DCBLD1: variants seen among roughly 807,000 people sequenced by gnomAD.
DCBLD1 encodes discoidin, CUB and LCCL domain-containing protein 1.
DCBLD1 carries 57 observed loss-of-function variants against 71.5 expected under a neutral mutation model. The observed-to-expected ratio is 0.80, with a 90% confidence interval of 0.64 to 0.99. The LOEUF (loss-of-function observed/expected upper bound fraction) is 0.99. DCBLD1 is among the 50% of genes least tolerant of loss of function. The pLI, the probability that DCBLD1 is intolerant of heterozygous loss-of-function variation, is 0.00. For synonymous variants in DCBLD1, 380 were observed against 363.8 expected (o/e 1.04, Z -0.51); for missense variants, 891 against 923.5 (o/e 0.96, Z 0.46).
At chr6:117,500,270 T>G (rs1214340628) in intron 1 of DCBLD1, among the ~76,000 whole-genome samples, 1 of 152,218 alleles carries the variant, frequency 6.6e-6, no homozygotes, top group Non-Finnish European at 1.5e-5. Flanking sequence ...ATAGTCTACT[T>G]CCATAGGTTA....
intron 3 of DCBLD1, 115 bp from the exon 4 acceptor site, chr6:117,521,410 T>C (rs1778379419): frequency 1.2e-6 from 1 of 838,208 alleles, no homozygotes; most frequent in African/African-American, 1.8e-5. Flanking sequence ...TTCTGATAAC[T>C]ACATAGTGAA....
intron 1 of DCBLD1, among the ~76,000 whole-genome samples, chr6:117,489,577 T>C (rs776470097): frequency 1.3e-5 from 2 of 152,154 alleles, no homozygotes; most frequent in African/African-American, 2.4e-5. Flanking sequence ...GAGCTGTGCT[T>C]GAGCTTTTTT....
intron 14 of DCBLD1, chr6:117,567,010 C>T: frequency 6.3e-7 from 1 of 1,594,044 alleles, no homozygotes; most frequent in Non-Finnish European, 8.5e-7. Context: ...GCCACATAAA[C>T]TACTTCAAAT....
rs912021433 is a variant in DCBLD1 at position 117,549,502 on chromosome 6, T to C, written c.*1063T>C. On this transcript the variant is annotated 3_prime_UTR_variant, in exon 15 of 15. Coordinates refer to ENST00000338728, the MANE Select transcript of DCBLD1 (RefSeq NM_001366458.2). Reference sequence around the variant, plus strand: ...GTACCTCATGCTCAGTAGTTTTTATTTGAGTTTCTTTTGTGAGTTAACTAT... The same window carrying C: ...GTACCTCATGCTCAGTAGTTTTTATCTGAGTTTCTTTTGTGAGTTAACTAT... 11 of 985,426 alleles carry C rather than the reference T, an allele frequency of 1.1e-5. No homozygotes were observed. In the Middle Eastern group the frequency reaches 1.6e-3, roughly 140 times the overall value. The allele number at this position is 985,426 out of a possible 1,614,324, so 61.0% of individuals were successfully genotyped here.
chr6:117,520,393 T>C (rs973547535), intron 3 of DCBLD1, among the ~76,000 whole-genome samples: 1 of 152,194 alleles, frequency 6.6e-6, no homozygotes, highest in African/African-American at 2.4e-5. Context: ...AGGATTCATC[T>C]CATTTTTCCT....
rs911584035 is a variant in DCBLD1, at chr6:117,530,067, G to C, written c.586-2193G>C. ...GCAGGGTTCCTAGTATGAAGACCGGGGATCCCAAGGACAGTGGGAATAGCT... is the reference window on the plus strand; with the variant it reads ...GCAGGGTTCCTAGTATGAAGACCGGCGATCCCAAGGACAGTGGGAATAGCT... On this transcript the variant is annotated intron_variant, in intron 5 of 14. Coordinates refer to ENST00000338728, the MANE Select transcript of DCBLD1 (RefSeq NM_001366458.2). Among the ~76,000 whole-genome samples the C allele has an allele frequency of 3.9e-5, 6 of 152,206 alleles. 1 individual carries two copies. In the South Asian group the frequency reaches 6.2e-4, roughly 16 times the overall value.
intron 1 of DCBLD1, chr6:117,485,090 G>A (rs1300415783): frequency 6.6e-6 from 1 of 152,146 alleles, no homozygotes; most frequent in Non-Finnish European, 1.5e-5. Context: ...TTCATAATAA[G>A]ACATTAAGTT....
intron 11 of DCBLD1, among the ~76,000 whole-genome samples, chr6:117,542,513 G>A (rs1260322119): frequency 1.3e-5 from 2 of 152,048 alleles, no homozygotes; most frequent in Non-Finnish European, 2.9e-5. Context: ...GCCTGCCTTG[G>A]TGGCTGTCAA....
chr6:117,566,872 C>G (rs1779707474), intron 14 of DCBLD1: 12 of 1,577,450 alleles, frequency 7.6e-6, no homozygotes, highest in Non-Finnish European at 1.0e-5. Flanking sequence ...ACTTTGATTT[C>G]CCCACTTGTG....
At chr6:117,569,554 T>C in intron 14 of DCBLD1, 1 of 1,611,086 alleles carries the variant, frequency 6.2e-7, no homozygotes. Context: ...CAGTTCTAAT[T>C]ACATGAAGGG....
intron 1 of DCBLD1, among the ~76,000 whole-genome samples, chr6:117,492,018 C>T (rs528336849): frequency 3.9e-4 from 60 of 152,300 alleles, no homozygotes; most frequent in African/African-American, 1.4e-3. Context: ...GTGATTATTG[C>T]TCCACTTTTA....
At chr6:117,522,045 T>A (rs1027484465) in intron 4 of DCBLD1, among the ~76,000 whole-genome samples, 3 of 152,208 alleles carry the variant, frequency 2.0e-5, no homozygotes, top group Admixed American at 2.0e-4. Flanking sequence ...CCTTTAAAAT[T>A]CTTTCATTTG....
downstream of DCBLD1, among the ~76,000 whole-genome samples, chr6:117,554,621 G>A (rs1412333569): frequency 6.6e-6 from 1 of 152,166 alleles, no homozygotes; most frequent in African/African-American, 2.4e-5. Context: ...TGGGCCAGGT[G>A]CAGTGGCTCA....
chr6:117,538,487 A>C (rs1032322261), intron 7 of DCBLD1, 133 bp from the exon 8 acceptor site: 31 of 783,832 alleles, frequency 4.0e-5, no homozygotes, highest in Non-Finnish European at 6.3e-5. Context: ...AAAAGCTGGT[A>C]ATTAAACACT....
chr6:117,508,782 G>A (rs1777919696), intron 2 of DCBLD1, among the ~76,000 whole-genome samples: 1 of 152,144 alleles, frequency 6.6e-6, no homozygotes, highest in African/African-American at 2.4e-5. Context: ...GGGTGGGTCC[G>A]GGACTGCCTG....
In DCBLD1 at chr6:117,500,013, C is replaced by T. The variant is rs577412081; in HGVS notation, c.113-3754C>T. On this transcript the variant is annotated intron_variant, in intron 1 of 14. Transcript: ENST00000338728. ...AGCCTAGGCAACAAAAGCGAAAGTC[C>T]GTCTCAAAAATAAATAAATAATACT... Among the ~76,000 whole-genome samples, 20 of 152,200 alleles carry T rather than the reference C, an allele frequency of 1.3e-4. No homozygotes were observed. In the South Asian group the frequency reaches 2.5e-3, roughly 19 times the overall value.
chr6:117,498,835 T>G (rs1027902907), intron 1 of DCBLD1, among the ~76,000 whole-genome samples: 6 of 152,178 alleles, frequency 3.9e-5, no homozygotes, highest in African/African-American at 1.4e-4. Context: ...CATTTTCTTA[T>G]GTAGCCTCAA....
intron 2 of DCBLD1, among the ~76,000 whole-genome samples, chr6:117,507,113 G>A (rs895242338): frequency 6.6e-6 from 1 of 152,200 alleles, no homozygotes; most frequent in Non-Finnish European, 1.5e-5. Flanking sequence ...TGCCAAGAGT[G>A]GACATACTTG....
chr6:117,510,154 C>T (rs210608), intron 2 of DCBLD1, among the ~76,000 whole-genome samples: 59,590 of 151,964 alleles, frequency 0.39, 12,384 homozygotes, highest in Non-Finnish European at 0.45. Flanking sequence ...GATGCATCAT[C>T]TTGCTTTCTT....
Sources: allele counts gnomAD v4.1 joint callset (sites outside exome capture counted in the v4.1 genomes callset), GRCh38; gene constraint gnomAD v4.1.1; transcripts MANE v1.5; gene names NCBI Gene and HGNC (gene_info 2026-07-23, HGNC 2026-07-21).